The following PCDH15 variants were observed in gnomAD, a reference collection of about 807,000 sequenced individuals.
PCDH15 encodes protocadherin related 15.
Under a neutral mutation model 178.5 loss-of-function variants are expected in PCDH15, and 129 were observed. The observed-to-expected ratio is 0.72, with a 90% CI of 0.63 to 0.84. PCDH15 has a LOEUF of 0.84. PCDH15 is among the 40% of genes least tolerant of loss of function. The probability of loss-of-function intolerance (pLI) is 0.00; values close to 1 mark genes in which losing one functional copy is unlikely to be tolerated. For synonymous variants in PCDH15, 800 were observed against 732.0 expected, an observed-to-expected ratio of 1.09 and a Z score of -1.50; for missense variants, 2,230 against 2,099.9, an observed-to-expected ratio of 1.06 and a Z score of -1.21.
intron 15 of PCDH15, among the ~76,000 whole-genome samples, chr10:54,126,917 CTTA>C (rs2042040030): frequency 6.6e-6 from 1 of 151,960 alleles, no homozygotes; most frequent in Non-Finnish European, 1.5e-5. Context: ...AATATTCTAT[CTTA>C]CTTGTCTCTC....
chr10:54,355,231 C>A (rs1944799113), intron 5 of PCDH15, among the ~76,000 whole-genome samples: 2 of 149,034 alleles, frequency 1.3e-5, no homozygotes, highest in Non-Finnish European at 3.0e-5. Flanking sequence ...ATTTTGTTAT[C>A]ATACTTATTT....
At chr10:54,091,762 A>G (rs954470964) in intron 15 of PCDH15, among the ~76,000 whole-genome samples, 1 of 152,132 alleles carries the variant, frequency 6.6e-6, no homozygotes, top group Admixed American at 6.6e-5. Flanking sequence ...TCACATTATC[A>G]ATGGTAGTTC....
chr10:54,096,978 C>T (rs1320063779), intron 15 of PCDH15, among the ~76,000 whole-genome samples: 1 of 152,152 alleles, frequency 6.6e-6, no homozygotes, highest in African/African-American at 2.4e-5. Flanking sequence ...TCTATCTCCC[C>T]TTCTATATCC....
chr10:55,361,132 T>C (rs1397990741), intron 2 of PCDH15, among the ~76,000 whole-genome samples: 1 of 151,856 alleles, frequency 6.6e-6, no homozygotes, highest in East Asian at 1.9e-4. Context: ...TAATATAAAG[T>C]TCAAAAATAG....
rs568507754 is a variant in PCDH15 at position 55,162,415 on chromosome 10, G to A, written c.-80+4161C>T. ...TAGAATTGTGCACAAATTATTTAGTGATCAAATTCATTTAACCGAACAGTA... is the reference window on the plus strand; with the variant it reads ...TAGAATTGTGCACAAATTATTTAGTAATCAAATTCATTTAACCGAACAGTA... On this transcript the variant is annotated intron_variant, in intron 2 of 5. Transcript: ENST00000458638. Among the ~76,000 whole-genome samples, 12 of 152,242 alleles carry A rather than the reference G, an allele frequency of 7.9e-5. 1 individual carries two copies. The South Asian group carries it at 2.5e-3, about 32-fold the overall frequency.
At chr10:54,688,203 A>C (rs969821178) in intron 1 of PCDH15, among the ~76,000 whole-genome samples, 1 of 152,160 alleles carries the variant, frequency 6.6e-6, no homozygotes, top group African/African-American at 2.4e-5. Flanking sequence ...AAAGAGTAGA[A>C]TAATGGGAGT....
chr10:53,859,006 C>T (rs2078935157), intron 27 of PCDH15, among the ~76,000 whole-genome samples: 1 of 140,712 alleles, frequency 7.1e-6, no homozygotes. Flanking sequence ...TCCCCTCCTT[C>T]CTTCCTTCTT....
In PCDH15 at chr10:54,443,996, A is replaced by T. The variant is rs562593523; in HGVS notation, c.158-65054T>A. ...TATTGAATCTACATACAAAGTCTTC[A>T]TGTCTTCCTCCTTGAAATAATAGCA... On this transcript the variant is annotated intron_variant, in intron 3 of 37. Transcript: ENST00000644397. Among the ~76,000 whole-genome samples the T allele has an allele frequency of 5.3e-5, 8 of 151,806 alleles. No individual in the cohort carries two copies. The South Asian group carries it at 1.7e-3, about 31-fold the overall frequency.
chr10:54,527,506 C>T (rs17730358), intron 3 of PCDH15, among the ~76,000 whole-genome samples: 31,822 of 152,006 alleles, frequency 0.21, 4,030 homozygotes, highest in Non-Finnish European at 0.29. Context: ...TGTTAGATGA[C>T]TATACACATG....
intron 2 of PCDH15, among the ~76,000 whole-genome samples, chr10:55,438,023 C>T (rs994729657): frequency 1.3e-5 from 2 of 151,538 alleles, no homozygotes; most frequent in African/African-American, 2.4e-5. Flanking sequence ...TTAGTAGACA[C>T]GGGGTTTCTC....
At chr10:55,313,847 C>T (rs948736921) in intron 1 of PCDH15, among the ~76,000 whole-genome samples, 13 of 151,968 alleles carry the variant, frequency 8.6e-5, no homozygotes, top group African/African-American at 2.9e-4. Flanking sequence ...GTGAGTAAAA[C>T]AAAATGTGTA....
At chr10:55,366,656 T>G (rs2131984541) in intron 2 of PCDH15, among the ~76,000 whole-genome samples, 1 of 152,234 alleles carries the variant, frequency 6.6e-6, no homozygotes, top group South Asian at 2.1e-4. Flanking sequence ...CATAGACAAT[T>G]AATGTAGAAT....
chr10:53,970,133 C>T (rs896894404), intron 21 of PCDH15, among the ~76,000 whole-genome samples: 1 of 151,872 alleles, frequency 6.6e-6, no homozygotes, highest in Non-Finnish European at 1.5e-5. Flanking sequence ...TGCAGCGATA[C>T]ACATAGGCTC....
rs35055187 is a variant in PCDH15 at position 54,709,593 on chromosome 10, C to CATATATATAT, written c.-28-45313_-28-45304dup. Among the ~76,000 whole-genome samples the CATATATATAT allele has an allele frequency of 3.7e-3, 355 of 94,712 alleles. 4 individuals carry two copies. Among genetic ancestry groups the CATATATATAT allele is most frequent in the Non-Finnish European group, 4.2e-3 (196 of 46,700 alleles). The allele number at this position is 94,712 out of a possible 152,430, so 62.1% of individuals were successfully genotyped here. ...CAAGTCTTAGCAATTACAAATAATT[C>CATATATATAT]ATATATATATATATATACATATATA... On this transcript the variant is annotated intron_variant, in intron 1 of 37. Transcript: ENST00000644397.
intron 25 of PCDH15, among the ~76,000 whole-genome samples, chr10:53,920,390 G>A (rs376177497): frequency 6.6e-6 from 1 of 151,736 alleles, no homozygotes; most frequent in Non-Finnish European, 1.5e-5. Flanking sequence ...GCATATAAGT[G>A]TATGTATAGA....
At chr10:54,911,642 A>T (rs1954820955) in intron 2 of PCDH15, among the ~76,000 whole-genome samples, 1 of 152,152 alleles carries the variant, frequency 6.6e-6, no homozygotes. Context: ...ATTGAATTGT[A>T]ATCCCCAGGT....
chr10:54,589,447 A>G (rs2091733964), intron 2 of PCDH15, among the ~76,000 whole-genome samples: 1 of 151,990 alleles, frequency 6.6e-6, no homozygotes, highest in African/African-American at 2.4e-5. Flanking sequence ...CTGAACCCCC[A>G]TTGGCCATTC....
At chr10:55,073,727 G>A (rs115407051) in intron 2 of PCDH15, among the ~76,000 whole-genome samples, 11 of 152,148 alleles carry the variant, frequency 7.2e-5, no homozygotes, top group African/African-American at 2.6e-4. Context: ...ATTGGTATTA[G>A]TTATTCTTTA....
intron 2 of PCDH15, among the ~76,000 whole-genome samples, chr10:54,589,149 G>A (rs1320474445): frequency 1.3e-5 from 2 of 151,882 alleles, no homozygotes; most frequent in African/African-American, 4.8e-5. Flanking sequence ...AGAGTCTAAA[G>A]GAAATTTCCA....
Sources: allele counts gnomAD v4.1 joint callset (sites outside exome capture counted in the v4.1 genomes callset), GRCh38; gene constraint gnomAD v4.1.1; transcripts MANE v1.5; gene names NCBI Gene and HGNC (gene_info 2026-07-23, HGNC 2026-07-21).